The following CLIP1 variants were observed in gnomAD, a reference collection of about 807,000 sequenced individuals.
CLIP1 encodes the protein CAP-Gly domain containing linker protein 1.
Under a neutral mutation model 161.6 loss-of-function variants are expected in CLIP1, and 66 were observed. That is an observed-to-expected ratio of 0.41 (90% CI 0.33 to 0.50). The LOEUF is 0.50. Ranked by LOEUF, CLIP1 falls within the 20% of genes least tolerant of loss-of-function variation. The probability of loss-of-function intolerance (pLI) is 0.27; values close to 1 mark genes in which losing one functional copy is unlikely to be tolerated. For missense variants in CLIP1, 1,376 were observed against 1,702.0 expected (o/e 0.81, Z 3.37); for synonymous variants, 598 against 626.2 (o/e 0.96, Z 0.67).
chr12:122,388,380 C>T (rs61954424), intron 1 of CLIP1, among the ~76,000 whole-genome samples: 14,769 of 152,108 alleles, frequency 0.097, 1,239 homozygotes, highest in East Asian at 0.45. Context: ...CAACCACGCC[C>T]GGCTAATTTT....
At chr12:122,350,567 T>TA (rs1225750873) in intron 9 of CLIP1, among the ~76,000 whole-genome samples, 2 of 152,100 alleles carry the variant, frequency 1.3e-5, no homozygotes, top group African/African-American at 4.8e-5. Flanking sequence ...AACAGAAGTT[T>TA]AAATGTCTCA....
chr12:122,412,518 G>A (rs933108761), intron 1 of CLIP1, among the ~76,000 whole-genome samples: 3 of 152,048 alleles, frequency 2.0e-5, no homozygotes, highest in African/African-American at 2.4e-5. Flanking sequence ...AGACGGGCAA[G>A]GTGGCACGTG....
chr12:122,355,070 G>A lies in CLIP1; in HGVS notation c.1203+45C>T, dbSNP rs1441241544. The A allele has an allele frequency of 6.3e-7, 1 of 1,578,050 alleles. No homozygotes were observed. Among genetic ancestry groups the A allele is most frequent in the African/African-American group, 1.3e-5 (1 of 74,168 alleles). On this transcript the variant is annotated intron_variant, in intron 6 of 25. Coordinates refer to ENST00000620786, the MANE Select transcript of CLIP1 (RefSeq NM_001247997.2). The surrounding 1 kb of genome is among the most constrained non-coding windows in gnomAD (Gnocchi z 4.1). ...GGGCATGCTTCTCGGCTCCTCAGTGGCTTTAGAAACCATCACCATCTCCGC... is the reference window on the plus strand; with the variant it reads ...GGGCATGCTTCTCGGCTCCTCAGTGACTTTAGAAACCATCACCATCTCCGC...
intron 20 of CLIP1, among the ~76,000 whole-genome samples, chr12:122,301,248 A>G (rs1417788347): frequency 6.6e-6 from 1 of 152,264 alleles, no homozygotes; most frequent in Non-Finnish European, 1.5e-5. Flanking sequence ...ATACTGTTGT[A>G]TCGAGGTTAA....
chr12:122,393,455 C>T (rs1478428210), intron 1 of CLIP1, among the ~76,000 whole-genome samples: 1 of 152,120 alleles, frequency 6.6e-6, no homozygotes, highest in Non-Finnish European at 1.5e-5. Context: ...TGCCACCATG[C>T]CCAGCCAGAC....
intron 2 of CLIP1, 92 bp from the exon 3 acceptor site, chr12:122,378,052 G>T: frequency 9.0e-7 from 1 of 1,106,140 alleles, no homozygotes; most frequent in Non-Finnish European, 1.3e-6. Flanking sequence ...ACAGCCCACA[G>T]GAGTAGCCCA....
At chr12:122,308,970 G>C (rs909669190) in intron 20 of CLIP1, among the ~76,000 whole-genome samples, 2 of 152,100 alleles carry the variant, frequency 1.3e-5, no homozygotes, top group Non-Finnish European at 2.9e-5. Flanking sequence ...TTTTCCCCTT[G>C]GAGTACAAAA....
intron 5 of CLIP1, among the ~76,000 whole-genome samples, chr12:122,356,859 C>G (rs1953404948): frequency 6.6e-6 from 1 of 152,238 alleles, no homozygotes; most frequent in South Asian, 2.1e-4. Context: ...GGGCTGGTCT[C>G]CAGCTCCTAA....
intron 5 of CLIP1, among the ~76,000 whole-genome samples, chr12:122,357,131 C>T (rs1245419018): frequency 6.6e-6 from 1 of 151,402 alleles, no homozygotes; most frequent in African/African-American, 2.4e-5. Context: ...TCTGCCCGGC[C>T]GCCATCTCAT....
At chr12:122,313,792 G>A (rs547276813) in intron 19 of CLIP1, among the ~76,000 whole-genome samples, 9 of 152,268 alleles carry the variant, frequency 5.9e-5, no homozygotes, top group South Asian at 2.1e-4. Flanking sequence ...GGTAGGTGAC[G>A]TGACAGGATT....
At chr12:122,358,412 G>A (rs1315285089) in intron 5 of CLIP1, among the ~76,000 whole-genome samples, 15 of 139,008 alleles carry the variant, frequency 1.1e-4, no homozygotes, top group African/African-American at 3.6e-4. Flanking sequence ...CCCCCTCTGC[G>A]AGAAACACCC....
Position 122,360,966 on chromosome 12 carries a change from G to A in CLIP1, c.998C>T (p.Thr333Ile). Residue 333 changes from threonine to isoleucine, a missense_variant, in exon 5 of 26, where the codon ACA (threonine) becomes ATA (isoleucine). This residue lies in a region of CLIP1 where 211 missense variants were observed against 295.1 expected (regional missense o/e 0.72). Transcript: ENST00000620786. Reference protein sequence around the residue: ...ASSVSSRPSRTGLLTETSSRY... With the variant: ...ASSVSSRPSRIGLLTETSSRY... The stretch of plus-strand genomic sequence containing the variant: ...GTGAGAAAGGGGCCTTACTAGTCCT[G>A]TCCGACTGGGCCTGCTGCTCACAGA... The A allele has an allele frequency of 1.9e-6, 3 of 1,612,028 alleles. No individual in the cohort carries two copies. Among genetic ancestry groups the A allele is most frequent in the Non-Finnish European group, 2.5e-6 (3 of 1,179,658 alleles).
chr12:122,418,555 C>T (rs1253451310), intron 1 of CLIP1, among the ~76,000 whole-genome samples: 2 of 151,972 alleles, frequency 1.3e-5, no homozygotes, highest in South Asian at 4.1e-4. Context: ...GAGTTCAAGA[C>T]CAGCTTGGGA....
chr12:122,305,546 T>C (rs1241210147), intron 20 of CLIP1, among the ~76,000 whole-genome samples: 3 of 152,182 alleles, frequency 2.0e-5, no homozygotes, highest in East Asian at 1.9e-4. Context: ...CCCCACTAAG[T>C]TGGTGATCAG....
In CLIP1 at chr12:122,355,513, A is replaced by C. The variant is rs1453456476; in HGVS notation, c.1006-201T>G. The stretch of plus-strand genomic sequence containing the variant: ...CTATAAATCTCACAAAGAATACATC[A>C]ACGTAAAGAGATCAGCCAGGTGCGG... On this transcript the variant is annotated intron_variant, in intron 5 of 25. Coordinates refer to ENST00000620786, the MANE Select transcript of CLIP1 (RefSeq NM_001247997.2). The surrounding 1 kb of genome is among the most constrained non-coding windows in gnomAD (Gnocchi z 4.1). 1 of 566,704 alleles carries C rather than the reference A, an allele frequency of 1.8e-6. No homozygotes were observed. Among genetic ancestry groups the C allele is most frequent in the African/African-American group, 1.9e-5 (1 of 53,082 alleles). The allele number at this position is 566,704 out of a possible 1,614,324, so 35.1% of individuals were successfully genotyped here.
In CLIP1 at chr12:122,365,366, C is replaced by CT. The variant is rs1171890329; in HGVS notation, c.658-1260dup. On this transcript the variant is annotated intron_variant, in intron 3 of 25. Coordinates refer to ENST00000620786, the MANE Select transcript of CLIP1 (RefSeq NM_001247997.2). ...GAAGTCTACAATGTTACCCAGCATG[C>CT]TGTTGGCATTGTTGTAAACAAACAA... 1.2e-5 allele frequency: 11 copies of CT among 948,440 alleles called. No homozygotes were observed. The Admixed American group carries it at 1.9e-4, about 16-fold the overall frequency. The allele number at this position is 948,440 out of a possible 1,614,324, so 58.8% of individuals were successfully genotyped here.
In CLIP1 at chr12:122,316,862, G is replaced by A; in HGVS notation, c.3367-7C>T. On this transcript the variant is annotated splice_polypyrimidine_tract_variant and splice_region_variant and intron_variant, in intron 18 of 25. Transcript: ENST00000620786. ...TTTCTTTAAGTGTGTCCAACTTAAAGACCAAGAGAAAAAAACTTGATGAAA... is the reference window on the plus strand; with the variant it reads ...TTTCTTTAAGTGTGTCCAACTTAAAAACCAAGAGAAAAAAACTTGATGAAA... 1.4e-6 allele frequency: 2 copies of A among 1,473,428 alleles called. No individual in the cohort carries two copies. Among genetic ancestry groups the A allele is most frequent in the Non-Finnish European group, 1.8e-6 (2 of 1,095,124 alleles). 91.3% of individuals were successfully genotyped at this position (1,473,428 alleles called of 1,614,324 possible).
intron 1 of CLIP1, among the ~76,000 whole-genome samples, chr12:122,421,905 G>A (rs1213919568): frequency 6.6e-6 from 1 of 152,216 alleles, no homozygotes; most frequent in Non-Finnish European, 1.5e-5. Flanking sequence ...CCGGGCAGCG[G>A]TGTGATTTCG....
At chr12:122,407,774 G>A (rs369412656) in intron 1 of CLIP1, among the ~76,000 whole-genome samples, 4,511 of 37,802 alleles carry the variant, frequency 0.12, 2 homozygotes, top group African/African-American at 0.2. Flanking sequence ...AAAAAAAAAA[G>A]AATTGATTTC....
Sources: allele counts gnomAD v4.1 joint callset (sites outside exome capture counted in the v4.1 genomes callset), GRCh38; gene constraint gnomAD v4.1.1; regional missense constraint gnomAD v4.1.1; non-coding constraint Gnocchi (gnomAD v3.1); transcripts MANE v1.5; gene names NCBI Gene and HGNC (gene_info 2026-07-23, HGNC 2026-07-21).